The following CNTN5 variants were observed in gnomAD, a reference collection of about 807,000 sequenced individuals.
The protein encoded by CNTN5 is contactin-5.
CNTN5 carries 77 observed loss-of-function variants against 129.1 expected under a neutral mutation model. The observed-to-expected ratio is 0.60, with a 90% CI of 0.50 to 0.72. CNTN5 has a LOEUF of 0.72. CNTN5 is among the 30% of genes least tolerant of loss of function. The pLI is 0.00. For missense variants in CNTN5, 1,478 were observed against 1,328.8 expected (o/e 1.11, Z -1.75); for synonymous variants, 509 against 465.6 (o/e 1.09, Z -1.20).
chr11:99,266,168 T>C (rs997960654), intron 1 of CNTN5, among the ~76,000 whole-genome samples: 3 of 152,002 alleles, frequency 2.0e-5, no homozygotes, highest in East Asian at 1.9e-4. Context: ...TGACCAACAA[T>C]TGACGATATT....
intron 6 of CNTN5, among the ~76,000 whole-genome samples, chr11:99,879,567 C>G (rs75087865): frequency 6.6e-6 from 1 of 152,060 alleles, no homozygotes; most frequent in East Asian, 1.9e-4. Context: ...CTACATCATA[C>G]CTAGTGCGAA....
chr11:100,016,092 A>G (rs2137542531), intron 9 of CNTN5, among the ~76,000 whole-genome samples: 1 of 152,242 alleles, frequency 6.6e-6, no homozygotes, highest in South Asian at 2.1e-4. Context: ...GGCAGAACAC[A>G]GAAGACCATA....
intron 6 of CNTN5, among the ~76,000 whole-genome samples, chr11:99,850,099 TA>T (rs1381719956): frequency 6.8e-6 from 1 of 147,246 alleles, no homozygotes; most frequent in Admixed American, 6.7e-5. Context: ...TAAAACCACT[TA>T]TTTAATTTTC....
chr11:99,575,729 A>G (rs983360848), intron 3 of CNTN5, among the ~76,000 whole-genome samples: 3 of 152,194 alleles, frequency 2.0e-5, no homozygotes, highest in African/African-American at 2.4e-5. Flanking sequence ...ATGCTTCATA[A>G]GTAGCCAGGC....
intron 14 of CNTN5, among the ~76,000 whole-genome samples, chr11:100,192,613 C>T (rs767315770): frequency 9.2e-5 from 14 of 151,978 alleles, no homozygotes; most frequent in Admixed American, 3.3e-4. Context: ...AGGAATCTAA[C>T]TAGGAAAGAA....
chr11:99,942,692 G>A (rs187475552), intron 7 of CNTN5, among the ~76,000 whole-genome samples: 60 of 151,900 alleles, frequency 3.9e-4, no homozygotes, highest in Admixed American at 2.8e-3. Context: ...CCACAACCCC[G>A]ACAGGCCCCG....
At chr11:100,251,621 C>A (rs1056243418) in intron 16 of CNTN5, among the ~76,000 whole-genome samples, 2 of 152,154 alleles carry the variant, frequency 1.3e-5, no homozygotes, top group East Asian at 3.9e-4. Context: ...CTTTCTACTT[C>A]TATGAGATCC....
Position 100,191,048 on chromosome 11 carries a change from T to G in CNTN5, c.1581-78T>G. The G allele has an allele frequency of 3.1e-6, 3 of 975,588 alleles. No individual in the cohort carries two copies. The South Asian group carries it at 5.0e-5, about 16-fold the overall frequency. The allele number at this position is 975,588 out of a possible 1,614,324, so 60.4% of individuals were successfully genotyped here. On this transcript the variant is annotated intron_variant, in intron 13 of 24. Coordinates refer to ENST00000524871, the MANE Select transcript of CNTN5 (RefSeq NM_014361.4). ...CTTATTATCACCCTAGAAATGGTTT[T>G]AGACTTCATCATTGGTTCTTACTAT...
chr11:99,464,464 A>G (rs996107109), intron 2 of CNTN5, among the ~76,000 whole-genome samples: 1 of 152,162 alleles, frequency 6.6e-6, no homozygotes, highest in Admixed American at 6.5e-5. Context: ...AAGCTGGCAA[A>G]TAGTTTTAAA....
chr11:100,028,340 C>T (rs1403040648), intron 9 of CNTN5, among the ~76,000 whole-genome samples: 1 of 152,128 alleles, frequency 6.6e-6, no homozygotes, highest in East Asian at 1.9e-4. Context: ...TTATCTGCCA[C>T]CTCTATGACA....
In CNTN5 at chr11:99,925,532, C is replaced by A. The variant is rs1338549093; in HGVS notation, c.673+9383C>A. 2.6e-5 allele frequency among the ~76,000 whole-genome samples: 4 copies of A among 152,132 alleles called. No homozygotes were observed. The East Asian group carries it at 7.7e-4, about 29-fold the overall frequency. On this transcript the variant is annotated intron_variant, in intron 7 of 24. Transcript: ENST00000524871. ...AATGGACACTGAAGGACTAAAGATG[C>A]TGACACCTTTCTAGCTGCTAAATCT...
intron 3 of CNTN5, among the ~76,000 whole-genome samples, chr11:99,786,117 G>A (rs1945512787): frequency 6.6e-6 from 1 of 152,058 alleles, no homozygotes; most frequent in African/African-American, 2.4e-5. Context: ...CGTCGTCTCA[G>A]CCCCAAATCT....
intron 2 of CNTN5, among the ~76,000 whole-genome samples, chr11:99,339,846 A>T (rs923919421): frequency 6.6e-6 from 1 of 151,732 alleles, no homozygotes; most frequent in African/African-American, 2.4e-5. Flanking sequence ...GAGAAGAGTG[A>T]GTGAGATGGA....
At chr11:100,142,420 A>T (rs1591308153) in intron 13 of CNTN5, among the ~76,000 whole-genome samples, 1 of 152,148 alleles carries the variant, frequency 6.6e-6, no homozygotes, top group East Asian at 1.9e-4. Flanking sequence ...ACATATGTAG[A>T]TTGAGCATCC....
intron 18 of CNTN5, among the ~76,000 whole-genome samples, chr11:100,296,516 T>G (rs1951103215): frequency 6.6e-6 from 1 of 151,484 alleles, no homozygotes; most frequent in African/African-American, 2.4e-5. Flanking sequence ...TAATCCTATA[T>G]TGGTAGCAGC....
chr11:99,385,979 G>A (rs1477237632), intron 2 of CNTN5, among the ~76,000 whole-genome samples: 1 of 152,134 alleles, frequency 6.6e-6, no homozygotes, highest in African/African-American at 2.4e-5. Context: ...TTTATGACCT[G>A]GAGTCCTCAG....
chr11:100,135,450 C>T (rs890327820), intron 13 of CNTN5, among the ~76,000 whole-genome samples: 1 of 152,112 alleles, frequency 6.6e-6, no homozygotes, highest in African/African-American at 2.4e-5. Flanking sequence ...GCTGGGATTA[C>T]AGGCATGAGC....
At chr11:100,248,364 G>C (rs953757636) in intron 16 of CNTN5, among the ~76,000 whole-genome samples, 7 of 152,000 alleles carry the variant, frequency 4.6e-5, no homozygotes, top group African/African-American at 1.7e-4. Context: ...GGTTAACATA[G>C]AGAGACCCCA....
intron 2 of CNTN5, among the ~76,000 whole-genome samples, chr11:99,457,871 T>C (rs908856014): frequency 1.3e-5 from 2 of 151,782 alleles, no homozygotes; most frequent in African/African-American, 4.8e-5. Flanking sequence ...AACTCAAATT[T>C]TCACTTCACT....
Sources: allele counts gnomAD v4.1 joint callset (sites outside exome capture counted in the v4.1 genomes callset), GRCh38; gene constraint gnomAD v4.1.1; transcripts MANE v1.5; gene names NCBI Gene and HGNC (gene_info 2026-07-23, HGNC 2026-07-21).